Variants in DLGAP2 observed in about 807,000 individuals in gnomAD.
DLGAP2 encodes the protein DLG associated protein 2.
In DLGAP2, 26 loss-of-function variants were observed where a neutral mutation model predicts 100.3. The ratio of observed to expected loss-of-function variants is 0.26; its 90% CI spans 0.19 to 0.36. The LOEUF (loss-of-function observed/expected upper bound fraction) is 0.36. Among genes scored for constraint, DLGAP2 ranks in the 10% least tolerant of loss-of-function variants. The pLI is 1.00. For synonymous variants in DLGAP2, 886 were observed against 630.1 expected, an observed-to-expected ratio of 1.41 and a Z score of -6.08; for missense variants, 1,858 against 1,453.2, an observed-to-expected ratio of 1.28 and a Z score of -4.53.
chr8:1,304,315 T>G (rs7014630), intron 3 of DLGAP2, among the ~76,000 whole-genome samples: 38,841 of 152,132 alleles, frequency 0.26, 5,329 homozygotes, highest in African/African-American at 0.32. Context: ...CAGCTGGCCC[T>G]GATGATGAAG....
intron 6 of DLGAP2, among the ~76,000 whole-genome samples, chr8:1,596,565 C>G (rs540073979): frequency 3.3e-5 from 5 of 152,172 alleles, no homozygotes; most frequent in Non-Finnish European, 7.3e-5. Context: ...GATCGTCATT[C>G]TAACTGGCAT....
At chr8:1,122,149 C>T (rs948941040) in intron 2 of DLGAP2, among the ~76,000 whole-genome samples, 5 of 152,166 alleles carry the variant, frequency 3.3e-5, no homozygotes, top group East Asian at 3.9e-4. Context: ...CATCAGGTTC[C>T]GGTCTTGTTT....
Position 1,028,321 on chromosome 8 carries a change from G to T in DLGAP2, c.73+120355G>T, listed in dbSNP as rs1406829268. On this transcript the variant is annotated intron_variant, in intron 2 of 14. Coordinates refer to ENST00000637795, the MANE Select transcript of DLGAP2 (RefSeq NM_001346810.2). Reference sequence around the variant, plus strand: ...TCTCCAGGTCGGGTGTCAGGCGCCCGTTATTCTCCAGGTCGGGTGTCAGGC... The same window carrying T: ...TCTCCAGGTCGGGTGTCAGGCGCCCTTTATTCTCCAGGTCGGGTGTCAGGC... 6.7e-5 allele frequency among the ~76,000 whole-genome samples: 9 copies of T among 133,396 alleles called. No individual in the cohort carries two copies. The East Asian group carries it at 2.5e-3, about 37-fold the overall frequency. The allele number at this position is 133,396 out of a possible 152,430, so 87.5% of individuals were successfully genotyped here. A position where few individuals can be genotyped will look rare whatever the true frequency, so the allele number is the denominator to read the frequency against.
intron 1 of DLGAP2, among the ~76,000 whole-genome samples, chr8:783,501 G>C (rs1488663395): frequency 1.3e-5 from 2 of 152,182 alleles, no homozygotes; most frequent in Non-Finnish European, 2.9e-5. Context: ...GTTGTTTTGT[G>C]ACCTCACCTT....
intron 3 of DLGAP2, among the ~76,000 whole-genome samples, chr8:1,391,762 T>C (rs10866926): frequency 6.6e-6 from 1 of 152,114 alleles, no homozygotes; most frequent in Admixed American, 6.5e-5. Context: ...TTTTTCCTAG[T>C]TTGAAGAAAA....
intron 7 of DLGAP2, among the ~76,000 whole-genome samples, chr8:1,630,609 G>A (rs1797617682): frequency 1.3e-5 from 2 of 152,060 alleles, no homozygotes; most frequent in South Asian, 4.2e-4. Context: ...GGCCGAGGCA[G>A]GAGAATGGCG....
chr8:1,594,411 A>C (rs1160638199), intron 6 of DLGAP2, among the ~76,000 whole-genome samples: 1 of 152,160 alleles, frequency 6.6e-6, no homozygotes, highest in African/African-American at 2.4e-5. Context: ...AATATGTGCC[A>C]AACAGAAATT....
At chr8:1,091,767 C>T (rs1038630877) in intron 2 of DLGAP2, among the ~76,000 whole-genome samples, 2 of 152,204 alleles carry the variant, frequency 1.3e-5, no homozygotes, top group Non-Finnish European at 2.9e-5. Flanking sequence ...CCTGAGTCTC[C>T]TCCATGGCCC....
chr8:1,668,492 C>T lies in DLGAP2; in HGVS notation c.1974C>T (p.Arg658=), dbSNP rs199785303. The change falls in exon 9 of 15, where the codon CGC becomes CGT. Residue 658 remains arginine, a synonymous_variant. Transcript: ENST00000637795. ...TGTCCCCGTGGCCCCAGGACAGCCG[C>T]GGCCTCTACAACTCCACGGACAGCC... The part of the protein sequence containing the change: ...QRMSPWPQDS[R]GLYNSTDSLD... The T allele has an allele frequency of 6.6e-4, 1,059 of 1,593,500 alleles. 6 individuals are homozygous for T. In the African/African-American group the frequency reaches 0.011, roughly 17 times the overall value.
chr8:886,322 A>G (rs1454061455), intron 1 of DLGAP2, among the ~76,000 whole-genome samples: 2 of 152,070 alleles, frequency 1.3e-5, no homozygotes, highest in Admixed American at 6.6e-5. Flanking sequence ...TTCAAAAAAC[A>G]GCTCCTGGAT....
chr8:1,048,310 G>T (rs1185001225), intron 2 of DLGAP2, among the ~76,000 whole-genome samples: 2 of 152,116 alleles, frequency 1.3e-5, no homozygotes, highest in Non-Finnish European at 2.9e-5. Flanking sequence ...TCACAGACAT[G>T]CAGGAAGTAA....
rs1799282706 is a variant in DLGAP2 at position 944,937 on chromosome 8, G to T, written c.73+36971G>T. ...TGGGTGATAACTGATCCATGTGGGT[G>T]ATCTGGTGGGTGGTAACTGATTTTC... On this transcript the variant is annotated intron_variant, in intron 2 of 14. Coordinates refer to ENST00000637795, the MANE Select transcript of DLGAP2 (RefSeq NM_001346810.2). Among the ~76,000 whole-genome samples the T allele has an allele frequency of 3.3e-5, 5 of 152,222 alleles. No homozygotes were observed. In the South Asian group the frequency reaches 1.0e-3, roughly 31 times the overall value.
At chr8:1,540,163 C>A (rs1801313088) in intron 4 of DLGAP2, among the ~76,000 whole-genome samples, 1 of 152,220 alleles carries the variant, frequency 6.6e-6, no homozygotes. Flanking sequence ...GTCCTACTTC[C>A]TTAGGTCTCT....
intron 3 of DLGAP2, among the ~76,000 whole-genome samples, chr8:1,267,711 G>A (rs1467643843): frequency 6.6e-6 from 1 of 152,000 alleles, no homozygotes; most frequent in Admixed American, 6.6e-5. Context: ...CGTGTCGCTG[G>A]CCCCCTCCGT....
intron 1 of DLGAP2, among the ~76,000 whole-genome samples, chr8:856,693 G>A (rs1205427969): frequency 6.6e-6 from 1 of 152,142 alleles, no homozygotes. Context: ...TCTATATGAG[G>A]AAAACTACAA....
chr8:934,435 C>T lies in DLGAP2; in HGVS notation c.73+26469C>T, dbSNP rs1037398254. ...CCACTTAGTGGGAACGGCAGCCTGTCGGAGTCGATCTATTTCCAGCTCCAT... is the reference window on the plus strand; with the variant it reads ...CCACTTAGTGGGAACGGCAGCCTGTTGGAGTCGATCTATTTCCAGCTCCAT... On this transcript the variant is annotated intron_variant, in intron 2 of 14. Coordinates refer to ENST00000637795, the MANE Select transcript of DLGAP2 (RefSeq NM_001346810.2). 1.1e-4 allele frequency among the ~76,000 whole-genome samples: 17 copies of T among 152,314 alleles called. 1 individual carries two copies. Among genetic ancestry groups the T allele is most frequent in the Middle Eastern group, 3.4e-3 (1 of 294 alleles).
chr8:984,311 C>G (rs535250862), intron 2 of DLGAP2, among the ~76,000 whole-genome samples: 64 of 152,298 alleles, frequency 4.2e-4, no homozygotes, highest in African/African-American at 1.4e-3. Flanking sequence ...ATAATATTCT[C>G]TGCCTCTGTG....
intron 2 of DLGAP2, among the ~76,000 whole-genome samples, chr8:1,188,719 G>C (rs1296081605): frequency 6.6e-6 from 1 of 152,196 alleles, no homozygotes; most frequent in Non-Finnish European, 1.5e-5. Context: ...CAGATGAACA[G>C]TAATCATGAG....
At chr8:962,173 A>T (rs951066601) in intron 2 of DLGAP2, among the ~76,000 whole-genome samples, 1 of 152,190 alleles carries the variant, frequency 6.6e-6, no homozygotes, top group African/African-American at 2.4e-5. Flanking sequence ...TATATTTTCC[A>T]TAGCACATTT....
Sources: gnomAD v4.1 joint callset for allele counts (sites outside exome capture counted in the v4.1 genomes callset) on GRCh38, gnomAD v4.1.1 for gene constraint, MANE v1.5 for transcripts, NCBI Gene and HGNC (gene_info 2026-07-23, HGNC 2026-07-21) for gene names.